The following DNAJC10 variants were observed in gnomAD, a reference collection of about 807,000 sequenced individuals.
DNAJC10 encodes DnaJ heat shock protein family (Hsp40) member C10.
A neutral mutation model predicts 115.0 loss-of-function variants in DNAJC10; 101 were observed. The observed-to-expected ratio is 0.88, with a 90% CI of 0.75 to 1.04. DNAJC10 has a LOEUF of 1.04. DNAJC10 is among the 50% of genes least tolerant of loss of function. The probability of loss-of-function intolerance (pLI) is 0.00; values close to 1 mark genes in which losing one functional copy is unlikely to be tolerated. For synonymous variants in DNAJC10, 307 were observed against 301.5 expected (o/e 1.02, Z -0.19); for missense variants, 981 against 928.8 (o/e 1.06, Z -0.73).
rs1695057438 is a variant in DNAJC10 at position 182,791,909 on chromosome 2, T to C, written c.*14777T>C. ...GTTTAAAGCGTTTAAAAGTTATGTT[T>C]TGCATTTTACAACATATTGAAGATA... On this transcript the variant is annotated 3_prime_UTR_variant, in exon 24 of 24. Transcript: ENST00000264065. 6.6e-6 allele frequency: 1 copy of C among 152,222 alleles called. No homozygotes were observed. Among genetic ancestry groups the C allele is most frequent in the Non-Finnish European group, 1.5e-5 (1 of 68,018 alleles). The allele number at this position is 152,222 out of a possible 1,614,324, so 9.4% of individuals were successfully genotyped here.
At chr2:182,773,618 A>C (rs897380774) in intron 22 of DNAJC10, among the ~76,000 whole-genome samples, 1 of 152,170 alleles carries the variant, frequency 6.6e-6, no homozygotes, top group Non-Finnish European at 1.5e-5. Context: ...ACTTGATCAA[A>C]TTGGCTATTG....
chr2:182,742,794 T>C (rs536046393), intron 13 of DNAJC10, among the ~76,000 whole-genome samples: 88 of 152,268 alleles, frequency 5.8e-4, no homozygotes, highest in African/African-American at 2.0e-3. Flanking sequence ...TTTATATCTG[T>C]GGCCCATTTT....
chr2:182,744,552 T>C (rs975877457), intron 14 of DNAJC10, among the ~76,000 whole-genome samples: 2 of 152,064 alleles, frequency 1.3e-5, no homozygotes, highest in African/African-American at 4.8e-5. Context: ...CAAGCAACTA[T>C]AGGGGAAAAG....
chr2:182,751,939 G>A, intron 15 of DNAJC10, 133 bp from the exon 16 acceptor site: 2 of 1,190,186 alleles, frequency 1.7e-6, no homozygotes, highest in South Asian at 1.4e-5. Context: ...GAGTGCTAAT[G>A]TAATTACTCC....
intron 14 of DNAJC10, among the ~76,000 whole-genome samples, chr2:182,747,007 T>C (rs1693885444): frequency 6.6e-6 from 1 of 152,138 alleles, no homozygotes. Context: ...CCATTGCTTG[T>C]TTTTCTCAGG....
intron 14 of DNAJC10, among the ~76,000 whole-genome samples, chr2:182,747,089 T>A (rs1682214275): frequency 6.6e-6 from 1 of 152,172 alleles, no homozygotes; most frequent in Admixed American, 6.5e-5. Flanking sequence ...CATTGATCTA[T>A]ATCTCTGTTT....
At chr2:182,759,790 A>G (rs564444604) in intron 21 of DNAJC10, among the ~76,000 whole-genome samples, 1 of 151,946 alleles carries the variant, frequency 6.6e-6, no homozygotes, top group Non-Finnish European at 1.5e-5. Flanking sequence ...GGTTCCAGGA[A>G]CCCCCATTCC....
At chr2:182,756,920 T>C (rs1268009035) in intron 18 of DNAJC10, among the ~76,000 whole-genome samples, 2 of 152,198 alleles carry the variant, frequency 1.3e-5, no homozygotes, top group Non-Finnish European at 2.9e-5. Context: ...ATTACAAACA[T>C]GAGCCTCCGT....
rs986456346 is a variant in DNAJC10 at position 182,757,845 on chromosome 2, T to G, written c.1943+20T>G. 2 of 1,320,722 alleles carry G rather than the reference T, an allele frequency of 1.5e-6. No homozygotes were observed. Among genetic ancestry groups the G allele is most frequent in the Non-Finnish European group, 2.1e-6 (2 of 945,808 alleles). 81.8% of individuals were successfully genotyped at this position (1,320,722 alleles called of 1,614,324 possible). On this transcript the variant is annotated intron_variant, in intron 19 of 23. Coordinates refer to ENST00000264065, the MANE Select transcript of DNAJC10 (RefSeq NM_018981.4). ...TTATCAGTAAGTATTCTCTCATATT[T>G]GAAGACATTTATTATAATTATTTAA...
At chr2:182,762,257 A>T (rs1034785638) in intron 21 of DNAJC10, among the ~76,000 whole-genome samples, 1 of 152,154 alleles carries the variant, frequency 6.6e-6, no homozygotes, top group African/African-American at 2.4e-5. Flanking sequence ...TCACTGGAGA[A>T]TATGTGTTCT....
At chr2:182,745,510 T>C (rs1693838449) in intron 14 of DNAJC10, among the ~76,000 whole-genome samples, 1 of 152,212 alleles carries the variant, frequency 6.6e-6, no homozygotes, top group Non-Finnish European at 1.5e-5. Context: ...TTTTATGTGC[T>C]CTTACTAACT....
At chr2:182,723,972 C>T (rs929841839) in intron 5 of DNAJC10, among the ~76,000 whole-genome samples, 1 of 152,120 alleles carries the variant, frequency 6.6e-6, no homozygotes. Flanking sequence ...GTGAAGCTTT[C>T]CCAGGCATTT....
In DNAJC10 at chr2:182,749,480, C is replaced by G. The variant is rs542850367; in HGVS notation, c.1307-2178C>G. ...TTTATCAGAGACTAGGATTGCAACC[C>G]CTGCCTTTTTTTGTTTTCCATTTGC... On this transcript the variant is annotated intron_variant, in intron 14 of 23. Coordinates refer to ENST00000264065, the MANE Select transcript of DNAJC10 (RefSeq NM_018981.4). Among the ~76,000 whole-genome samples the G allele has an allele frequency of 8.8e-5, 13 of 148,568 alleles. No homozygotes were observed. The East Asian group carries it at 2.5e-3, about 29-fold the overall frequency.
chr2:182,753,068 G>T (rs1404571601), intron 16 of DNAJC10, among the ~76,000 whole-genome samples: 1 of 152,076 alleles, frequency 6.6e-6, no homozygotes, highest in Non-Finnish European at 1.5e-5. Flanking sequence ...TGATACTTTG[G>T]TTATATGGAG....
At position 182,729,898 on chromosome 2, in the gene DNAJC10, T is replaced by C; in HGVS notation, c.684T>C (p.Phe228=). 1 of 1,610,946 alleles carries C rather than the reference T, an allele frequency of 6.2e-7. No individual in the cohort carries two copies. The highest frequency in any genetic ancestry group is 8.5e-7 in the Non-Finnish European group (1 of 1,178,606). The change falls in exon 8 of 24, where the codon TTT becomes TTC. Residue 228 remains phenylalanine, a synonymous_variant. Coordinates refer to ENST00000264065, the MANE Select transcript of DNAJC10 (RefSeq NM_018981.4). ...GDRSKESLVS[F]AMQHVRSTVT... ...GATCAAAGGAGAGTTTAGTGAGTTT[T>C]GCAATGCAGCATGTTAGAAGTACAG...
intron 14 of DNAJC10, among the ~76,000 whole-genome samples, chr2:182,748,801 A>G (rs902978808): frequency 6.6e-6 from 1 of 152,184 alleles, no homozygotes; most frequent in African/African-American, 2.4e-5. Flanking sequence ...TTAGTGCTAT[A>G]AATTTCCCTC....
At chr2:182,725,810 A>G (rs288277) in intron 5 of DNAJC10, among the ~76,000 whole-genome samples, 27,386 of 152,142 alleles carry the variant, frequency 0.18, 5,719 homozygotes, top group African/African-American at 0.51. Flanking sequence ...GAAGGTGGCT[A>G]TACTAAACAA....
At chr2:182,774,220 C>T (rs1402348154) in intron 22 of DNAJC10, among the ~76,000 whole-genome samples, 3 of 152,174 alleles carry the variant, frequency 2.0e-5, no homozygotes, top group Admixed American at 2.0e-4. Flanking sequence ...CCTCTGGAAG[C>T]TTTGTCCCAG....
In DNAJC10 at chr2:182,779,720, T is replaced by G. The variant is rs2105717994; in HGVS notation, c.*2588T>G. On this transcript the variant is annotated 3_prime_UTR_variant, in exon 24 of 24. Transcript: ENST00000264065. ...AGTAAAATGAAATGTTTATGTAATT[T>G]TATATTCTCAAAATTTTCTTTAAAT... The G allele has an allele frequency of 6.6e-6, 1 of 152,336 alleles. No individual in the cohort carries two copies. The highest frequency in any genetic ancestry group is 2.1e-4 in the South Asian group (1 of 4,832). The allele number at this position is 152,336 out of a possible 1,614,324, so 9.4% of individuals were successfully genotyped here.
Sources: allele counts gnomAD v4.1 joint callset (sites outside exome capture counted in the v4.1 genomes callset), GRCh38; gene constraint gnomAD v4.1.1; transcripts MANE v1.5; gene names NCBI Gene and HGNC (gene_info 2026-07-23, HGNC 2026-07-21).